Variants in GNL3L observed in about 807,000 individuals in gnomAD.
GNL3L encodes G protein nucleolar 3 like.
In GNL3L, 4 loss-of-function variants were observed where a neutral mutation model predicts 42.9. The observed-to-expected ratio is 0.09, with a 90% CI of 0.05 to 0.21. GNL3L has a LOEUF of 0.21. Ranked by LOEUF, GNL3L falls within the 10% of genes least tolerant of loss-of-function variation. The pLI, the probability that GNL3L is intolerant of heterozygous loss-of-function variation, is 1.00. For synonymous variants in GNL3L, 159 were observed against 176.3 expected (o/e 0.90, Z 0.78); for missense variants, 412 against 481.7 (o/e 0.86, Z 1.36).
chrX:54,571,996 ATTTTATT>A (rs1925550641), downstream of GNL3L, among the ~76,000 whole-genome samples: 1 of 101,752 alleles, frequency 9.8e-6, no homozygotes, highest in African/African-American at 3.6e-5. Flanking sequence ...ATTTTATTTT[ATTTTATT>A]TTTATTTATT....
At chrX:54,581,774 A>G (rs1172289658) in intron 16 of GNL3L, among the ~76,000 whole-genome samples, 1 of 112,062 alleles carries the variant, frequency 8.9e-6, no homozygotes, top group Non-Finnish European at 1.9e-5. Flanking sequence ...ATATTATTCC[A>G]TGGTATAGAT....
intron 14 of GNL3L, among the ~76,000 whole-genome samples, chrX:54,555,626 A>T (rs976484278): frequency 5.2e-5 from 5 of 96,912 alleles, no homozygotes; most frequent in Non-Finnish European, 1.0e-4. Context: ...GCCTGCCACC[A>T]TGCCTAATTT....
At chrX:54,558,326 C>A in intron 14 of GNL3L, 110 bp from the exon 15 acceptor site, 1 of 526,335 alleles carries the variant, frequency 1.9e-6, no homozygotes, top group Non-Finnish European at 3.3e-6. Flanking sequence ...TTCCACATGG[C>A]TCCAGGCTCC....
In GNL3L at chrX:54,572,686, A is replaced by AC. The variant is rs1173177564; in HGVS notation, c.*45+12047dup. Among the ~76,000 whole-genome samples, 86 of 96,975 alleles carry AC rather than the reference A, an allele frequency of 8.9e-4. 2 individuals carry two copies. The South Asian group carries it at 0.014, about 16-fold the overall frequency. 84.2% of individuals were successfully genotyped at this position (96,975 alleles called of 115,157 possible). A position where few individuals can be genotyped will look rare whatever the true frequency, so the allele number is the denominator to read the frequency against. Reference sequence around the variant, plus strand: ...GGGCGGCTGGCCTGGCGGGGGGCTGACCCCCCCCACCTCCCTCCCGGACAG... The same window carrying AC: ...GGGCGGCTGGCCTGGCGGGGGGCTGACCCCCCCCCACCTCCCTCCCGGACAG... On this transcript the variant is annotated intron_variant, in intron 16 of 16. Coordinates refer to the GNL3L transcript ENST00000674498.
Position 54,604,830 on chromosome X carries a change from G to A in GNL3L, c.*46-16015G>A, listed in dbSNP as rs186400289. Reference sequence around the variant, plus strand: ...CCTCAGTTCCCTCATTTGTACATGAGAATTAATAATAGCTCCAACCTAAAT... The same window carrying A: ...CCTCAGTTCCCTCATTTGTACATGAAAATTAATAATAGCTCCAACCTAAAT... On this transcript the variant is annotated intron_variant, in intron 16 of 16. Transcript: ENST00000674498. Among the ~76,000 whole-genome samples, 543 of 112,035 alleles carry A rather than the reference G, an allele frequency of 4.8e-3. 3 individuals carry two copies. Among genetic ancestry groups the A allele is most frequent in the African/African-American group, 0.017 (519 of 30,846 alleles).
At chrX:54,552,525 C>T (rs758434363) in intron 13 of GNL3L, 97 bp downstream of exon 13, 11 of 828,379 alleles carry the variant, frequency 1.3e-5, no homozygotes, top group South Asian at 2.7e-5. Flanking sequence ...TTCCTTGGCC[C>T]TACTTGGGCT....
intron 14 of GNL3L, among the ~76,000 whole-genome samples, chrX:54,554,987 C>T (rs1925046242): frequency 9.0e-6 from 1 of 111,005 alleles, no homozygotes; most frequent in South Asian, 3.8e-4. Context: ...TAACTAGTAC[C>T]AGGATTTTAT....
At chrX:54,569,133 T>C (rs1477367501), downstream of GNL3L, among the ~76,000 whole-genome samples, 1 of 112,429 alleles carries the variant, frequency 8.9e-6, no homozygotes, top group African/African-American at 3.2e-5. Context: ...TGTAATTTGA[T>C]AAATTTTTGC....
chrX:54,606,932 T>C (rs924112544), intron 16 of GNL3L, among the ~76,000 whole-genome samples: 48 of 110,576 alleles, frequency 4.3e-4, no homozygotes, highest in African/African-American at 1.6e-3. Flanking sequence ...TAAGTCACCA[T>C]GCCTGACTGT....
chrX:54,554,545 T>A lies in GNL3L; in HGVS notation c.1319-20T>A. Reference sequence around the variant, plus strand: ...CAGAGGGGAGCCAGGGCCCTGACAGTGGTGTTGGTTGTGTTAAAGGCTTGG... The same window carrying A: ...CAGAGGGGAGCCAGGGCCCTGACAGAGGTGTTGGTTGTGTTAAAGGCTTGG... On this transcript the variant is annotated intron_variant, in intron 13 of 15. Coordinates refer to ENST00000360845, the MANE Select transcript of GNL3L (RefSeq NM_001184819.2). The A allele has an allele frequency of 8.3e-7, 1 of 1,203,210 alleles. No homozygotes were observed. Among genetic ancestry groups the A allele is most frequent in the Non-Finnish European group, 1.1e-6 (1 of 889,406 alleles).
intron 2 of GNL3L, 46 bp from the exon 3 acceptor site, chrX:54,538,994 G>T (rs192628708): frequency 2.6e-6 from 2 of 781,250 alleles, no homozygotes; most frequent in East Asian, 3.3e-5. Context: ...AACAAATATC[G>T]TGTAGATGGA....
At chrX:54,626,210 C>CAAA (rs1365958557), downstream of GNL3L, among the ~76,000 whole-genome samples, 2 of 111,424 alleles carry the variant, frequency 1.8e-5, no homozygotes, top group African/African-American at 6.5e-5. Flanking sequence ...CTCTAATACT[C>CAAA]ACAATTCTAC....
chrX:54,552,378 A>G lies in GNL3L; in HGVS notation c.1268A>G (p.Glu423Gly). 1 of 1,209,099 alleles carries G rather than the reference A, an allele frequency of 8.3e-7. No individual in the cohort carries two copies. Among genetic ancestry groups the G allele is most frequent in the Non-Finnish European group, 1.1e-6 (1 of 893,121 alleles). The change falls in exon 13 of 16, where the codon GAG (glutamate) becomes GGG (glycine). Residue 423 changes from glutamate (E) to glycine (G), a missense_variant. Glu to Gly is a moderately conservative substitution (Grantham distance 98). Transcript: ENST00000360845. ...LSAEIVKEMT[E>G]VFDIEDTEQA... Reference sequence around the variant, plus strand: ...GCTGAGATCGTTAAGGAAATGACCGAGGTCTTTGACATCGAGGATACTGAG... The same window carrying G: ...GCTGAGATCGTTAAGGAAATGACCGGGGTCTTTGACATCGAGGATACTGAG...
chrX:54,533,768 A>G (rs1440068976), intron 2 of GNL3L, among the ~76,000 whole-genome samples: 2 of 109,993 alleles, frequency 1.8e-5, no homozygotes, highest in African/African-American at 6.7e-5. Context: ...CGACCAAATA[A>G]TCATATTTAT....
At chrX:54,607,141 G>C (rs866306415) in intron 16 of GNL3L, among the ~76,000 whole-genome samples, 26 of 37,362 alleles carry the variant, frequency 7.0e-4, no homozygotes, top group East Asian at 1.8e-3. Flanking sequence ...TTCTTTCTTT[G>C]TCTCTCTCTC....
intron 16 of GNL3L, among the ~76,000 whole-genome samples, chrX:54,581,376 T>A (rs2147515061): frequency 9.0e-6 from 1 of 110,855 alleles, no homozygotes; most frequent in South Asian, 3.8e-4. Flanking sequence ...GGACTACAGG[T>A]GCATGCCACC....
the GNL3L span, among the ~76,000 whole-genome samples, chrX:54,627,007 A>T: frequency 9.5e-3 from 1,041 of 110,082 alleles, 2 homozygotes; most frequent in Non-Finnish European, 0.015. Context: ...ATGTGCAGAA[A>T]CTTTTCAATT....
the GNL3L span, among the ~76,000 whole-genome samples, chrX:54,635,906 A>T: frequency 9.0e-6 from 1 of 110,802 alleles, no homozygotes; most frequent in Admixed American, 9.6e-5. Flanking sequence ...TTTTCTGAGG[A>T]TGTGTCTTGT....
chrX:54,637,451 ACACACATGTGTG>A, the GNL3L span, among the ~76,000 whole-genome samples: 2 of 111,855 alleles, frequency 1.8e-5, no homozygotes, highest in East Asian at 2.8e-4. Context: ...ACACACATAT[ACACACATGTGTG>A]CACACATGTG....
Sources: gnomAD v4.1 joint callset for allele counts (sites outside exome capture counted in the v4.1 genomes callset) on GRCh38, gnomAD v4.1.1 for gene constraint, MANE v1.5 for transcripts, NCBI Gene and HGNC (gene_info 2026-07-23, HGNC 2026-07-21) for gene names.